The following IREB2 variants were observed in gnomAD, a reference collection of about 807,000 sequenced individuals.
IREB2 encodes the protein iron responsive element binding protein 2.
A neutral mutation model predicts 118.8 loss-of-function variants in IREB2; 39 were observed. The observed-to-expected ratio is 0.33, with a 90% CI of 0.25 to 0.43. IREB2 has a LOEUF of 0.43. Among genes scored for constraint, IREB2 ranks in the 20% least tolerant of loss-of-function variants. The pLI is 1.00. For missense variants in IREB2, 900 were observed against 1,147.3 expected, an observed-to-expected ratio of 0.78 and a Z score of 3.11; for synonymous variants, 372 against 392.2, an observed-to-expected ratio of 0.95 and a Z score of 0.61.
chr15:78,496,537 G>A (rs1242496795), intron 20 of IREB2, among the ~76,000 whole-genome samples: 2 of 152,150 alleles, frequency 1.3e-5, no homozygotes, highest in Admixed American at 1.3e-4. Context: ...CATAGTGCTG[G>A]CATTACAGGT....
At chr15:78,484,412 G>A (rs2051624871) in intron 11 of IREB2, among the ~76,000 whole-genome samples, 1 of 152,008 alleles carries the variant, frequency 6.6e-6, no homozygotes, top group African/African-American at 2.4e-5. Flanking sequence ...GAAATCTTCG[G>A]GGTCATTTTA....
chr15:78,462,854 A>T, intron 2 of IREB2, 68 bp from the exon 3 acceptor site: 1 of 1,230,456 alleles, frequency 8.1e-7, no homozygotes, highest in Non-Finnish European at 1.1e-6. Context: ...ACTTTTTGCT[A>T]TGGCATTTTA....
chr15:78,494,401 T>C (rs2051804737), intron 20 of IREB2, 137 bp downstream of exon 20: 1 of 860,000 alleles, frequency 1.2e-6, no homozygotes, highest in Non-Finnish European at 1.8e-6. Context: ...TTTTGTTTGT[T>C]TGTTTATTTC....
chr15:78,486,208 T>C (rs1039631803), intron 13 of IREB2, among the ~76,000 whole-genome samples: 9 of 152,176 alleles, frequency 5.9e-5, no homozygotes, highest in Admixed American at 2.0e-4. Context: ...AGAAATCTTA[T>C]AGTTTGCATT....
At position 78,487,791 on chromosome 15, in the gene IREB2, G is replaced by C. The variant is rs142617086; in HGVS notation, c.1768G>C (p.Asp590His). ...ICVGNTAPLS[D>H]AVLNAVKQGD... is the part of the protein sequence containing the mutation. ...TGTGGGAAATACAGCACCCTTATCA[G>C]ACGCAGTTTTAAATGCAGTAAAACA... The change falls in exon 14 of 22, where the codon GAC becomes CAC. Residue 590 changes from aspartate to histidine, a missense_variant. Physicochemically the swap from Asp to His is moderately conservative, Grantham distance 81. Coordinates refer to ENST00000258886, the MANE Select transcript of IREB2 (RefSeq NM_004136.4). 1 of 1,606,242 alleles carries C rather than the reference G, an allele frequency of 6.2e-7. No homozygotes were observed. The highest frequency in any genetic ancestry group is 1.3e-5 in the African/African-American group (1 of 74,768).
rs2051223822 is a variant in IREB2, at chr15:78,463,101, T to G, written c.272+14T>G. On this transcript the variant is annotated intron_variant, in intron 3 of 21. Coordinates refer to ENST00000258886, the MANE Select transcript of IREB2 (RefSeq NM_004136.4). ...TCAAGATTTTACGTGAGTAATGGGT[T>G]TATTTTTTGTGAATGAACTCTTAGA... 6.3e-7 allele frequency: 1 copy of G among 1,577,098 alleles called. No individual in the cohort carries two copies. The highest frequency in any genetic ancestry group is 8.6e-7 in the Non-Finnish European group (1 of 1,164,092).
rs1277808579 is a variant in IREB2, at chr15:78,457,719, A to G, written c.107-5203A>G. Among the ~76,000 whole-genome samples the G allele has an allele frequency of 2.0e-5, 3 of 152,148 alleles. No individual in the cohort carries two copies. The East Asian group carries it at 5.8e-4, about 29-fold the overall frequency. ...CCATCTAGTAATACTTTGTTTTTCA[A>G]AATTTTTTTGGCTTTGCCTCACCCT... On this transcript the variant is annotated intron_variant, in intron 2 of 21. Coordinates refer to ENST00000258886, the MANE Select transcript of IREB2 (RefSeq NM_004136.4).
intron 2 of IREB2, among the ~76,000 whole-genome samples, chr15:78,445,724 A>G (rs1260198031): frequency 1.3e-5 from 2 of 152,088 alleles, no homozygotes; most frequent in African/African-American, 2.4e-5. Context: ...CTTGTATGTT[A>G]TGACTGGATT....
Position 78,491,494 on chromosome 15 carries a change from GTATTTATT to G in IREB2, c.2324+737_2324+744del, listed in dbSNP as rs200602339. 1.2e-4 allele frequency among the ~76,000 whole-genome samples: 5 copies of G among 40,050 alleles called. No individual in the cohort carries two copies. In the South Asian group the frequency reaches 2.9e-3, roughly 23 times the overall value. The allele number at this position is 40,050 out of a possible 152,430, so 26.3% of individuals were successfully genotyped here. A position where few individuals can be genotyped will look rare whatever the true frequency, so the allele number is the denominator to read the frequency against. ...CATTGAAATTTATTTATTTATGTATGTATTTATTTATGTATTTATTTTTGAGACAGACT... is the reference window on the plus strand; with the variant it reads ...CATTGAAATTTATTTATTTATGTATGTATGTATTTATTTTTGAGACAGACT... On this transcript the variant is annotated intron_variant, in intron 18 of 21. Coordinates refer to ENST00000258886, the MANE Select transcript of IREB2 (RefSeq NM_004136.4).
rs76426595 is a variant in IREB2 at position 78,466,454 on chromosome 15, C to T, written c.594C>T (p.Pro198=). The T allele has an allele frequency of 6.2e-7, 1 of 1,613,928 alleles. No individual in the cohort carries two copies. Among genetic ancestry groups the T allele is most frequent in the East Asian group, 2.2e-5 (1 of 44,888 alleles). The change falls in exon 5 of 22, where the codon CCC becomes CCT. Residue 198 remains proline, a synonymous_variant. Coordinates refer to ENST00000258886, the MANE Select transcript of IREB2 (RefSeq NM_004136.4). ...TTTCTTCGCAGATTGAGAATACACC[C>T]ATCCTGTGTCCTTTTCATTTGCAAC... ...GTFSSQIENT[P]ILCPFHLQPV... is the part of the protein sequence containing the mutation.
intron 5 of IREB2, among the ~76,000 whole-genome samples, chr15:78,468,831 A>T (rs1239583095): frequency 6.6e-6 from 1 of 152,162 alleles, no homozygotes; most frequent in Non-Finnish European, 1.5e-5. Context: ...TGAAAGTTTT[A>T]TGAAGTCACT....
rs1167269678 is a variant in IREB2, at chr15:78,438,476, G to A, written c.19+120G>A. 3.4e-6 allele frequency: 4 copies of A among 1,178,708 alleles called. No individual in the cohort carries two copies. In the East Asian group the frequency reaches 7.7e-5, roughly 23 times the overall value. 73.0% of individuals were successfully genotyped at this position (1,178,708 alleles called of 1,614,324 possible). A position where few individuals can be genotyped will look rare whatever the true frequency, so the allele number is the denominator to read the frequency against. On this transcript the variant is annotated intron_variant, in intron 1 of 21. Transcript: ENST00000258886. ...AGGCGCCCAGGCCCTCGGGGCTCGG[G>A]TTGTGCTCCCCTCGGGGCCTGCCTG...
intron 16 of IREB2, 23 bp from the exon 17 acceptor site, chr15:78,490,399 A>C: frequency 6.6e-7 from 1 of 1,507,716 alleles, no homozygotes; most frequent in Non-Finnish European, 9.0e-7. Flanking sequence ...GCTTTGGTTC[A>C]TCAACGAAAA....
intron 2 of IREB2, among the ~76,000 whole-genome samples, 157 bp from the exon 3 acceptor site, chr15:78,462,765 A>G (rs978465528): frequency 6.6e-6 from 1 of 152,204 alleles, no homozygotes; most frequent in African/African-American, 2.4e-5. Context: ...TGTTAACACG[A>G]ATGGTGTTAC....
intron 2 of IREB2, among the ~76,000 whole-genome samples, chr15:78,440,666 C>T (rs2050831264): frequency 6.6e-6 from 1 of 152,190 alleles, no homozygotes; most frequent in African/African-American, 2.4e-5. Context: ...TATGCCTGGC[C>T]TGTTTTACTT....
intron 6 of IREB2, 91 bp downstream of exon 6, chr15:78,470,692 T>TTTC: frequency 2.4e-6 from 1 of 424,046 alleles, no homozygotes; most frequent in East Asian, 4.3e-5. Flanking sequence ...TCTTTTCCTT[T>TTTC]TTTTTTTTTT....
Position 78,493,996 on chromosome 15 carries a change from T to C in IREB2, c.2412T>C (p.Leu804=). Residue 804 remains leucine, a synonymous_variant, in exon 19 of 22, where the codon CTT becomes CTC. Coordinates refer to ENST00000258886, the MANE Select transcript of IREB2 (RefSeq NM_004136.4). ...GAGGCACTTTTGCAAATATCAAGCTTTTTAATAAGTTTATTGGAAAACCAG... is the reference window on the plus strand; with the variant it reads ...GAGGCACTTTTGCAAATATCAAGCTCTTTAATAAGTTTATTGGAAAACCAG... ...MTRGTFANIK[L]FNKFIGKPAP... is the part of the protein sequence containing the mutation. The C allele has an allele frequency of 1.9e-6, 3 of 1,614,174 alleles. No homozygotes were observed. Among genetic ancestry groups the C allele is most frequent in the Non-Finnish European group, 2.5e-6 (3 of 1,180,008 alleles).
At chr15:78,480,206 G>T (rs2141504561) in intron 10 of IREB2, 1 of 152,280 alleles carries the variant, frequency 6.6e-6, no homozygotes, top group Non-Finnish European at 1.5e-5. Flanking sequence ...AATTGAATTT[G>T]TGTGCTACTT....
At chr15:78,465,480 C>T in intron 4 of IREB2, 92 bp downstream of exon 4, 1 of 1,196,190 alleles carries the variant, frequency 8.4e-7, no homozygotes, top group Non-Finnish European at 1.2e-6. Context: ...TAATTTATGG[C>T]AGAGAAAAGT....
Sources: gnomAD v4.1 joint callset for allele counts (sites outside exome capture counted in the v4.1 genomes callset) on GRCh38, gnomAD v4.1.1 for gene constraint, MANE v1.5 for transcripts, NCBI Gene and HGNC (gene_info 2026-07-23, HGNC 2026-07-21) for gene names.